The following DHRS4L2 variants were observed in gnomAD, a reference collection of about 807,000 sequenced individuals.
DHRS4L2 encodes the protein dehydrogenase/reductase 4 like 2.
DHRS4L2 carries 22 observed loss-of-function variants against 23.9 expected under a neutral mutation model. The observed-to-expected ratio is 0.92, with a 90% confidence interval of 0.66 to 1.31. The LOEUF (loss-of-function observed/expected upper bound fraction) is 1.31. DHRS4L2 is among the 40% of genes most tolerant of loss of function. The pLI is 0.00. For synonymous variants in DHRS4L2, 141 were observed against 123.7 expected (o/e 1.14, Z -0.93); for missense variants, 385 against 303.3 (o/e 1.27, Z -2.00).
intron 1 of DHRS4L2, among the ~76,000 whole-genome samples, chr14:23,973,700 ACTAT>A (rs1215578857): frequency 6.6e-6 from 1 of 151,884 alleles, no homozygotes; most frequent in Non-Finnish European, 1.5e-5. Context: ...AGAAGAGCTA[ACTAT>A]CCTAAATATA....
In DHRS4L2 at chr14:24,006,051, GTTCCTGCA is replaced by G. The variant is rs1465688267; in HGVS notation, c.*192_*199del. The G allele has an allele frequency of 6.3e-7, 1 of 1,597,706 alleles. No individual in the cohort carries two copies. The highest frequency in any genetic ancestry group is 8.5e-7 in the Non-Finnish European group (1 of 1,173,056). Reference sequence around the variant, plus strand: ...GAGTTGGGCTCTAGCTCCTGGTGCTGTTCCTGCATTCACCCACTGGCCTTTCCCACCTC... The same window carrying G: ...GAGTTGGGCTCTAGCTCCTGGTGCTGTTCACCCACTGGCCTTTCCCACCTC... On this transcript the variant is annotated 3_prime_UTR_variant, in exon 8 of 8. Transcript: ENST00000335125.
intron 1 of DHRS4L2, among the ~76,000 whole-genome samples, chr14:23,978,204 A>G (rs1379065396): frequency 4.0e-5 from 6 of 151,426 alleles, no homozygotes; most frequent in East Asian, 1.9e-4. Context: ...CAAACACACA[A>G]AAATACATAT....
chr14:23,975,668 T>A (rs2033951901), intron 1 of DHRS4L2, among the ~76,000 whole-genome samples: 1 of 151,716 alleles, frequency 6.6e-6, no homozygotes, highest in South Asian at 2.1e-4. Flanking sequence ...TCACACTACC[T>A]GACTTCAAAC....
chr14:23,989,229 C>T (rs1182701639), intron 1 of DHRS4L2, among the ~76,000 whole-genome samples, 154 bp downstream of exon 1: 2 of 147,256 alleles, frequency 1.4e-5, no homozygotes, highest in Admixed American at 1.4e-4. Context: ...GCCTGAAGCC[C>T]CTCCGAATAC....
chr14:23,972,990 T>C (rs1026142805), intron 1 of DHRS4L2, among the ~76,000 whole-genome samples: 13 of 151,946 alleles, frequency 8.6e-5, no homozygotes, highest in Non-Finnish European at 1.9e-4. Flanking sequence ...CCTCCCACCA[T>C]AGGGCAGTTT....
chr14:23,989,939 A>C (rs1449159144), intron 1 of DHRS4L2, among the ~76,000 whole-genome samples: 1 of 151,756 alleles, frequency 6.6e-6, no homozygotes, highest in African/African-American at 2.4e-5. Flanking sequence ...CGTGGTGGGA[A>C]CTGTAGAAAG....
chr14:23,973,017 T>C lies in DHRS4L2; in HGVS notation c.-176+2685T>C, dbSNP rs534919378. Among the ~76,000 whole-genome samples the C allele has an allele frequency of 5.7e-4, 86 of 152,002 alleles. 1 individual carries two copies. Among genetic ancestry groups the C allele is most frequent in the Non-Finnish European group, 9.4e-4 (64 of 67,980 alleles). On this transcript the variant is annotated intron_variant, in intron 1 of 5. Transcript: ENST00000534993. ...GGGCAGTTTTTCTCTCATTTCAGAA[T>C]TGAACAAATGTACAATCGGGATTTA...
exon 1 of DHRS4L2, chr14:23,970,269 C>G (rs1234804762): frequency 4.4e-6 from 2 of 451,326 alleles, no homozygotes; most frequent in Non-Finnish European, 8.8e-6. Context: ...TAAGGCAGCC[C>G]CTGCATCTCA....
intron 1 of DHRS4L2, among the ~76,000 whole-genome samples, chr14:23,972,509 C>T (rs949261929): frequency 3.3e-5 from 5 of 151,868 alleles, no homozygotes; most frequent in African/African-American, 9.7e-5. Context: ...AGATTTATTG[C>T]AAAGAGTGAA....
chr14:23,998,663 G>T (rs1040461654), intron 3 of DHRS4L2, among the ~76,000 whole-genome samples: 5 of 151,832 alleles, frequency 3.3e-5, no homozygotes, highest in African/African-American at 9.7e-5. Flanking sequence ...AGCCTTCAAA[G>T]AATTAAAAAG....
chr14:23,975,798 C>T (rs941308338), intron 1 of DHRS4L2, among the ~76,000 whole-genome samples: 2 of 151,648 alleles, frequency 1.3e-5, no homozygotes, highest in Admixed American at 1.3e-4. Context: ...TCAGAAATAA[C>T]ACCACACATC....
chr14:23,988,652 T>A (rs544521231), upstream of DHRS4L2: 10 of 535,146 alleles, frequency 1.9e-5, no homozygotes, highest in Non-Finnish European at 2.5e-5. Context: ...GCAGCCAAAG[T>A]CTGCGGGTTC....
At position 24,005,892 on chromosome 14, in the gene DHRS4L2, C is replaced by G; in HGVS notation, c.*29C>G. ...TGCTTCCCTTATTCCCCAGGTTAGG[C>G]GAGCCAGAGGATTGTGCTGGCATCG... On this transcript the variant is annotated 3_prime_UTR_variant, in exon 8 of 8. Transcript: ENST00000335125. The G allele has an allele frequency of 6.2e-7, 1 of 1,607,756 alleles. No homozygotes were observed. The highest frequency in any genetic ancestry group is 8.5e-7 in the Non-Finnish European group (1 of 1,177,344).
chr14:23,994,724 G>T (rs1247852515), intron 2 of DHRS4L2, among the ~76,000 whole-genome samples: 1 of 151,792 alleles, frequency 6.6e-6, no homozygotes, highest in Non-Finnish European at 1.5e-5. Context: ...GTTAGCGGCA[G>T]ATCTTAGGGT....
chr14:23,985,543 C>G (rs1473453802), upstream of DHRS4L2, among the ~76,000 whole-genome samples: 1 of 151,486 alleles, frequency 6.6e-6, no homozygotes, highest in Non-Finnish European at 1.5e-5. Context: ...CCGCAGGCAG[C>G]CCTTGAAAAG....
chr14:23,972,177 G>A lies in DHRS4L2; in HGVS notation c.-176+1845G>A, dbSNP rs777766458. Among the ~76,000 whole-genome samples the A allele has an allele frequency of 4.6e-5, 7 of 152,116 alleles. No homozygotes were observed. In the South Asian group the frequency reaches 6.2e-4, roughly 14 times the overall value. On this transcript the variant is annotated intron_variant, in intron 1 of 5. Transcript: ENST00000534993. ...TCACTGACTTCAAGAATGAAGCTGCGGACCCTCGCGGTGAGTGTTACAGTT... is the reference window on the plus strand; with the variant it reads ...TCACTGACTTCAAGAATGAAGCTGCAGACCCTCGCGGTGAGTGTTACAGTT...
At position 23,997,640 on chromosome 14, in the gene DHRS4L2, G is replaced by A. The variant is rs920970823; in HGVS notation, c.408+2507G>A. 3.4e-5 allele frequency among the ~76,000 whole-genome samples: 5 copies of A among 146,932 alleles called. 1 individual carries two copies. Among genetic ancestry groups the A allele is most frequent in the South Asian group, 2.1e-4 (1 of 4,718 alleles). On this transcript the variant is annotated intron_variant, in intron 3 of 7. Coordinates refer to ENST00000335125, the MANE Select transcript of DHRS4L2 (RefSeq NM_198083.4). ...AACCACTTTCTTTGCTTATCCGTACGAACCAGCTCCTCAGCCATCTACATT... is the reference window on the plus strand; with the variant it reads ...AACCACTTTCTTTGCTTATCCGTACAAACCAGCTCCTCAGCCATCTACATT...
chr14:23,972,182 C>G (rs1273739169), intron 1 of DHRS4L2, among the ~76,000 whole-genome samples: 1 of 151,814 alleles, frequency 6.6e-6, no homozygotes, highest in African/African-American at 2.4e-5. Context: ...GCTGCGGACC[C>G]TCGCGGTGAG....
chr14:23,994,225 C>T (rs2034329747), intron 2 of DHRS4L2, among the ~76,000 whole-genome samples: 1 of 151,532 alleles, frequency 6.6e-6, no homozygotes, highest in Admixed American at 6.6e-5. Context: ...GGACAGTAAG[C>T]ACTTGGAGAA....
Sources: gnomAD v4.1 joint callset for allele counts (sites outside exome capture counted in the v4.1 genomes callset) on GRCh38, gnomAD v4.1.1 for gene constraint, MANE v1.5 for transcripts, NCBI Gene and HGNC (gene_info 2026-07-23, HGNC 2026-07-21) for gene names.